The following TSPAN18 variants were observed in gnomAD, a reference collection of about 807,000 sequenced individuals.
TSPAN18 encodes the protein tetraspanin 18, also known as tetraspanin-18.
Under a neutral mutation model 27.3 loss-of-function variants are expected in TSPAN18, and 14 were observed. That is an observed-to-expected ratio of 0.51 (90% confidence interval 0.34 to 0.80). The LOEUF is 0.80. Ranked by LOEUF, TSPAN18 falls within the 30% of genes least tolerant of loss-of-function variation. The probability of loss-of-function intolerance (pLI) is 0.01; values close to 1 mark genes in which losing one functional copy is unlikely to be tolerated. For missense variants in TSPAN18, 268 were observed against 323.9 expected, an observed-to-expected ratio of 0.83 and a Z score of 1.32; for synonymous variants, 143 against 136.5, an observed-to-expected ratio of 1.05 and a Z score of -0.33.
At position 44,866,924 on chromosome 11, in the gene TSPAN18, GAAAA is replaced by G. The variant is rs5791651; in HGVS notation, c.-11+6459_-11+6462del. Among the ~76,000 whole-genome samples the G allele has an allele frequency of 2.6e-5, 4 of 151,980 alleles. No homozygotes were observed. The East Asian group carries it at 7.7e-4, about 29-fold the overall frequency. The stretch of plus-strand genomic sequence containing the variant: ...CCCACTGCAGAGTGAACAAATTGGG[GAAAA>G]AAAGTCTCAAGACATAATCCTGTCA... On this transcript the variant is annotated intron_variant, in intron 3 of 9. Coordinates refer to ENST00000520358, the MANE Select transcript of TSPAN18 (RefSeq NM_130783.5).
At chr11:44,757,375 A>ATTATTTAT (rs35948051) in intron 1 of TSPAN18, among the ~76,000 whole-genome samples, 167 of 151,344 alleles carry the variant, frequency 1.1e-3, no homozygotes, top group African/African-American at 2.8e-3. Context: ...CTGAGAAATG[A>ATTATTTAT]TTATTTATTT....
chr11:44,931,086 C>A lies in TSPAN18; in HGVS notation c.*1908C>A, dbSNP rs1020767841. The A allele has an allele frequency of 1.3e-5, 5 of 395,696 alleles. No homozygotes were observed. The highest frequency in any genetic ancestry group is 8.3e-5 in the African/African-American group (4 of 48,302). The allele number at this position is 395,696 out of a possible 1,614,324, so 24.5% of individuals were successfully genotyped here. ...ATCTCCTCCTGCTGTGCCCGCCAGT[C>A]CTTGCCCTCCCACCAGGTCTCTGAG... is the stretch of plus-strand genomic sequence containing the variant. On this transcript the variant is annotated 3_prime_UTR_variant, in exon 10 of 10. Coordinates refer to ENST00000520358, the MANE Select transcript of TSPAN18 (RefSeq NM_130783.5).
intron 1 of TSPAN18, among the ~76,000 whole-genome samples, chr11:44,738,034 T>C (rs962725430): frequency 3.3e-5 from 5 of 152,208 alleles, no homozygotes; most frequent in African/African-American, 9.6e-5. Flanking sequence ...GTGTAATTTT[T>C]TTTTTTAACA....
intron 8 of TSPAN18, among the ~76,000 whole-genome samples, chr11:44,921,687 G>T (rs907043305): frequency 1.3e-5 from 2 of 152,206 alleles, no homozygotes; most frequent in Admixed American, 1.3e-4. Flanking sequence ...CCACCATAGC[G>T]TGGGGTTTAT....
chr11:44,845,269 T>G (rs138090690), intron 2 of TSPAN18, among the ~76,000 whole-genome samples: 1 of 152,352 alleles, frequency 6.6e-6, no homozygotes, highest in African/African-American at 2.4e-5. Flanking sequence ...TTATTCATGA[T>G]TTGCCCCTCT....
At chr11:44,917,318 C>A (rs1859948711) in intron 5 of TSPAN18, among the ~76,000 whole-genome samples, 1 of 152,194 alleles carries the variant, frequency 6.6e-6, no homozygotes, top group African/African-American at 2.4e-5. Context: ...CCTGTGAGGT[C>A]CCCGAAATGA....
At chr11:44,741,367 G>C (rs1253932303) in intron 1 of TSPAN18, among the ~76,000 whole-genome samples, 1 of 151,858 alleles carries the variant, frequency 6.6e-6, no homozygotes, top group Non-Finnish European at 1.5e-5. Context: ...CTATGTAATC[G>C]AATTTAAATA....
At chr11:44,900,081 A>C (rs1181194087) in intron 3 of TSPAN18, among the ~76,000 whole-genome samples, 2 of 152,214 alleles carry the variant, frequency 1.3e-5, no homozygotes, top group Non-Finnish European at 2.9e-5. Context: ...CCGTGAAGTT[A>C]ACTTCTAGAA....
At chr11:44,850,601 A>G (rs1040246930) in intron 2 of TSPAN18, among the ~76,000 whole-genome samples, 4 of 152,128 alleles carry the variant, frequency 2.6e-5, no homozygotes, top group African/African-American at 9.7e-5. Context: ...TGCCCCAGAT[A>G]ATAGCAATGG....
chr11:44,841,916 G>T (rs1444101322), intron 2 of TSPAN18, among the ~76,000 whole-genome samples: 1 of 152,212 alleles, frequency 6.6e-6, no homozygotes, highest in Non-Finnish European at 1.5e-5. Flanking sequence ...GAAGGGACAT[G>T]CTATGATTTA....
At chr11:44,898,794 T>C (rs1427983301) in intron 3 of TSPAN18, among the ~76,000 whole-genome samples, 1 of 152,222 alleles carries the variant, frequency 6.6e-6, no homozygotes, top group Non-Finnish European at 1.5e-5. Context: ...GCAGAACCCT[T>C]GAGATCCGAT....
intron 3 of TSPAN18, among the ~76,000 whole-genome samples, chr11:44,896,770 C>T (rs952574700): frequency 6.6e-6 from 1 of 152,088 alleles, no homozygotes; most frequent in African/African-American, 2.4e-5. Context: ...GCCTCCTTGT[C>T]TCCTCCACGC....
At chr11:44,735,747 G>C (rs1412985016) in intron 1 of TSPAN18, among the ~76,000 whole-genome samples, 1 of 152,018 alleles carries the variant, frequency 6.6e-6, no homozygotes, top group African/African-American at 2.4e-5. Context: ...CTCCCGAGTA[G>C]TTGGGACTAC....
At position 44,835,114 on chromosome 11, in the gene TSPAN18, A is replaced by G. The variant is rs527628747; in HGVS notation, c.-152-25214A>G. On this transcript the variant is annotated intron_variant, in intron 2 of 9. Coordinates refer to ENST00000520358, the MANE Select transcript of TSPAN18 (RefSeq NM_130783.5). The stretch of plus-strand genomic sequence containing the variant: ...GCACACGGGAGCAGGGGGCTCCGGC[A>G]GCTCAAAGGTCATCCTCCCATGAGA... Among the ~76,000 whole-genome samples the G allele has an allele frequency of 2.6e-5, 4 of 152,332 alleles. No homozygotes were observed. The South Asian group carries it at 8.3e-4, about 32-fold the overall frequency.
intron 3 of TSPAN18, among the ~76,000 whole-genome samples, chr11:44,864,631 C>T (rs1395028941): frequency 6.6e-6 from 1 of 152,220 alleles, no homozygotes; most frequent in Non-Finnish European, 1.5e-5. Context: ...CTAAAATGGA[C>T]TGGTCCAGTG....
At chr11:44,731,647 A>AGAGAGG (rs1162893723) in intron 1 of TSPAN18, among the ~76,000 whole-genome samples, 1 of 151,024 alleles carries the variant, frequency 6.6e-6, no homozygotes, top group Non-Finnish European at 1.5e-5. Context: ...AGAGAGAGAG[A>AGAGAGG]GAGAGAGAAA....
intron 3 of TSPAN18, among the ~76,000 whole-genome samples, chr11:44,890,639 C>T (rs564344325): frequency 4.6e-5 from 7 of 150,968 alleles, no homozygotes; most frequent in African/African-American, 9.7e-5. Flanking sequence ...AGGAGAATGG[C>T]GTGAACCCAG....
chr11:44,783,021 G>A (rs780140755), intron 2 of TSPAN18, among the ~76,000 whole-genome samples: 85 of 152,054 alleles, frequency 5.6e-4, no homozygotes, highest in Non-Finnish European at 9.6e-4. Context: ...TAGAGATGGC[G>A]TTTTACCATG....
At chr11:44,887,098 T>C (rs1434378661) in intron 3 of TSPAN18, among the ~76,000 whole-genome samples, 1 of 152,228 alleles carries the variant, frequency 6.6e-6, no homozygotes, top group Admixed American at 6.5e-5. Context: ...ATTTTTATTT[T>C]TTATTATCTG....
Sources: gnomAD v4.1 joint callset for allele counts (sites outside exome capture counted in the v4.1 genomes callset) on GRCh38, gnomAD v4.1.1 for gene constraint, MANE v1.5 for transcripts, NCBI Gene and HGNC (gene_info 2026-07-23, HGNC 2026-07-21) for gene names.